The following SLC8B1 variants were observed in gnomAD, a reference collection of about 807,000 sequenced individuals.
The protein encoded by SLC8B1 is solute carrier family 8 member B1, also known as mitochondrial sodium/calcium exchanger protein.
In SLC8B1, 52 loss-of-function variants were observed where a neutral mutation model predicts 63.4. The ratio of observed to expected loss-of-function variants is 0.82; its 90% confidence interval spans 0.66 to 1.03. The LOEUF (loss-of-function observed/expected upper bound fraction) is 1.03. SLC8B1 is among the 50% of genes least tolerant of loss of function. The pLI, the probability that SLC8B1 is intolerant of heterozygous loss-of-function variation, is 0.00. For synonymous variants in SLC8B1, 336 were observed against 323.9 expected, an observed-to-expected ratio of 1.04 and a Z score of -0.40; for missense variants, 657 against 741.7, an observed-to-expected ratio of 0.89 and a Z score of 1.33.
intron 15 of SLC8B1, among the ~76,000 whole-genome samples, chr12:113,303,889 C>CT (rs943730500): frequency 3.9e-5 from 6 of 151,992 alleles, no homozygotes; most frequent in Admixed American, 2.6e-4. Flanking sequence ...CATTTTTTCC[C>CT]TTTTTTTCTG....
At chr12:113,304,155 C>T (rs963993088) in intron 15 of SLC8B1, among the ~76,000 whole-genome samples, 166 bp downstream of exon 15, 1 of 152,136 alleles carries the variant, frequency 6.6e-6, no homozygotes, top group Non-Finnish European at 1.5e-5. Context: ...GCTGGGATTA[C>T]AGGCATGAGC....
chr12:113,330,273 A>T (rs1302401193), intron 2 of SLC8B1, among the ~76,000 whole-genome samples: 3 of 152,196 alleles, frequency 2.0e-5, no homozygotes, highest in Admixed American at 6.5e-5. Context: ...GACTACTTGA[A>T]AAGGACCTAA....
intron 2 of SLC8B1, among the ~76,000 whole-genome samples, chr12:113,330,625 C>T (rs1263013439): frequency 6.6e-6 from 1 of 152,176 alleles, no homozygotes; most frequent in Non-Finnish European, 1.5e-5. Context: ...AGTTTTCCTG[C>T]CCCCAAGGAG....
chr12:113,301,707 C>T (rs536205806), intron 15 of SLC8B1, among the ~76,000 whole-genome samples: 23 of 152,188 alleles, frequency 1.5e-4, no homozygotes, highest in African/African-American at 5.5e-4. Context: ...AGGCATTGTG[C>T]GAAGGGCCTA....
intron 2 of SLC8B1, among the ~76,000 whole-genome samples, chr12:113,328,023 A>T (rs540585357): frequency 1.3e-3 from 154 of 118,858 alleles, no homozygotes; most frequent in African/African-American, 4.9e-3. Context: ...CTAAGTTTTA[A>T]TTATTTATTT....
intron 11 of SLC8B1, 85 bp downstream of exon 11, chr12:113,315,250 A>G (rs1956818318): frequency 7.3e-7 from 1 of 1,372,010 alleles, no homozygotes; most frequent in Non-Finnish European, 9.7e-7. Flanking sequence ...AGATCGTGCC[A>G]CTGTACTCCA....
At position 113,317,008 on chromosome 12, in the gene SLC8B1, G is replaced by C; in HGVS notation, c.803-7C>G. On this transcript the variant is annotated splice_polypyrimidine_tract_variant and splice_region_variant and intron_variant, in intron 8 of 15. Coordinates refer to ENST00000680972, the MANE Select transcript of SLC8B1 (RefSeq NM_001358345.2). The stretch of plus-strand genomic sequence containing the variant: ...TCGGAGTCTGAGAGGATCTCTGCAG[G>C]AGAGAGGCCCAGTTACATACAGAAC... The C allele has an allele frequency of 6.2e-7, 1 of 1,611,678 alleles. No homozygotes were observed. Among genetic ancestry groups the C allele is most frequent in the Non-Finnish European group, 8.5e-7 (1 of 1,179,146 alleles).
chr12:113,302,136 T>C (rs1956596289), intron 15 of SLC8B1: 2 of 153,810 alleles, frequency 1.3e-5, no homozygotes, highest in Admixed American at 6.4e-5. Context: ...GCATGTGGCC[T>C]TACCTGAAAT....
chr12:113,321,904 C>A (rs1956937467), intron 2 of SLC8B1, among the ~76,000 whole-genome samples: 1 of 151,950 alleles, frequency 6.6e-6, no homozygotes, highest in Admixed American at 6.6e-5. Context: ...TACAATAATT[C>A]TATGATGGCT....
rs1956552327 is a variant in SLC8B1 at position 113,299,920 on chromosome 12, G to T, written c.1612C>A (p.Leu538Ile). 1 of 1,613,964 alleles carries T rather than the reference G, an allele frequency of 6.2e-7. No homozygotes were observed. The highest frequency in any genetic ancestry group is 1.1e-5 in the South Asian group (1 of 91,088). The part of the protein sequence containing the change: ...WVLAGALGLS[L>I]VFSLVSVPLQ... ...GGGACTGAGACCAGGGAGAAGACGA[G>T]GCTGAGCCCCAGGGCGCCTGCCAGG... The change falls in exon 16 of 16, where the codon CTC becomes ATC. Residue 538 changes from leucine to isoleucine, a missense_variant. By Grantham distance (5) the Leu-to-Ile change is conservative. Transcript: ENST00000680972.
At chr12:113,307,872 C>A in intron 12 of SLC8B1, 28 bp from the exon 13 acceptor site, 3 of 1,604,470 alleles carry the variant, frequency 1.9e-6, no homozygotes, top group Non-Finnish European at 2.5e-6. Flanking sequence ...TGCTGTGGGA[C>A]CAAGGCCAGC....
chr12:113,320,615 C>T lies in SLC8B1; in HGVS notation c.492G>A (p.Pro164=), dbSNP rs376857289. ...CCCCAAGGGCCAGGCCGGCTGTGTG[C>T]GGGTCAGAGAAGGCCACCAGGGCAC... ...IFSALVAFSD[P]HTAGLALGAL... The change falls in exon 6 of 16, where the codon CCG becomes CCA. Residue 164 remains proline (P), a synonymous_variant. Transcript: ENST00000680972. The surrounding 1 kb of genome is among the most constrained non-coding windows in gnomAD (Gnocchi z 5.3). 3.7e-6 allele frequency: 6 copies of T among 1,613,912 alleles called. No individual in the cohort carries two copies. Among genetic ancestry groups the T allele is most frequent in the East Asian group, 2.2e-5 (1 of 44,892 alleles).
intron 2 of SLC8B1, among the ~76,000 whole-genome samples, chr12:113,329,291 C>G (rs1458409345): frequency 6.6e-6 from 1 of 152,172 alleles, no homozygotes. Flanking sequence ...AGAAGTGGCT[C>G]CAAACTCAGC....
At chr12:113,322,061 G>C (rs1956939133) in intron 2 of SLC8B1, among the ~76,000 whole-genome samples, 1 of 152,038 alleles carries the variant, frequency 6.6e-6, no homozygotes, top group South Asian at 2.1e-4. Context: ...AGGTAGGCAT[G>C]GTGATGTGCA....
At chr12:113,333,142 G>C (rs111877668) in intron 1 of SLC8B1, among the ~76,000 whole-genome samples, 182 bp from the exon 2 acceptor site, 2 of 152,200 alleles carry the variant, frequency 1.3e-5, no homozygotes, top group Admixed American at 6.5e-5. Context: ...CCCATTCAGC[G>C]TGCAGATCAG....
chr12:113,310,434 T>C (rs1403590443), intron 11 of SLC8B1, 79 bp from the exon 12 acceptor site: 2 of 1,539,866 alleles, frequency 1.3e-6, no homozygotes, highest in Admixed American at 2.0e-5. Context: ...GGATGTCAGG[T>C]AGACACTTCC....
chr12:113,313,730 G>C (rs1482746787), intron 11 of SLC8B1, among the ~76,000 whole-genome samples: 1 of 152,062 alleles, frequency 6.6e-6, no homozygotes. Flanking sequence ...CAGAGTGAGA[G>C]TCTGTCTCAA....
intron 2 of SLC8B1, among the ~76,000 whole-genome samples, chr12:113,323,540 C>T (rs1379364891): frequency 1.3e-5 from 2 of 152,122 alleles, no homozygotes; most frequent in African/African-American, 4.8e-5. Context: ...GAAACCCCGT[C>T]TCTACTAAAA....
Position 113,305,778 on chromosome 12 carries a change from G to A in SLC8B1, c.1492+717C>T, listed in dbSNP as rs1306420245. 6.6e-6 allele frequency among the ~76,000 whole-genome samples: 1 copy of A among 152,088 alleles called. No individual in the cohort carries two copies. Reference sequence around the variant, plus strand: ...CCAAAGTCTAAAATATTTATTCTTTGGGCCAGGTGTGGTGGCTCACGCCTG... The same window carrying A: ...CCAAAGTCTAAAATATTTATTCTTTAGGCCAGGTGTGGTGGCTCACGCCTG... On this transcript the variant is annotated intron_variant, in intron 14 of 15. Transcript: ENST00000680972. The surrounding 1 kb of genome is among the most constrained non-coding windows in gnomAD (Gnocchi z 4.3).
Sources: gnomAD v4.1 joint callset for allele counts (sites outside exome capture counted in the v4.1 genomes callset) on GRCh38, gnomAD v4.1.1 for gene constraint, Gnocchi (gnomAD v3.1) non-coding constraint, MANE v1.5 for transcripts, NCBI Gene and HGNC (gene_info 2026-07-23, HGNC 2026-07-21) for gene names.